Variants in FHIT observed in about 807,000 individuals in gnomAD.
FHIT encodes the protein fragile histidine triad diadenosine triphosphatase.
In FHIT, 19 loss-of-function variants were observed where a neutral mutation model predicts 17.9. The ratio of observed to expected loss-of-function variants is 1.06; its 90% CI spans 0.74 to 1.56. The LOEUF (loss-of-function observed/expected upper bound fraction) is 1.56. Among genes scored for constraint, FHIT ranks in the 40% most tolerant of loss-of-function variants. FHIT has a pLI of 0.00. For missense variants in FHIT, 248 were observed against 189.2 expected (o/e 1.31, Z -1.82); for synonymous variants, 81 against 69.7 (o/e 1.16, Z -0.81).
chr3:60,591,254 C>T (rs1221821075), intron 4 of FHIT, among the ~76,000 whole-genome samples: 2 of 151,918 alleles, frequency 1.3e-5, no homozygotes, highest in African/African-American at 4.8e-5. Context: ...ACTTTGCTCC[C>T]TAATTGCCTC....
At chr3:60,597,484 T>C (rs2038307029) in intron 4 of FHIT, among the ~76,000 whole-genome samples, 1 of 152,110 alleles carries the variant, frequency 6.6e-6, no homozygotes, top group Non-Finnish European at 1.5e-5. Flanking sequence ...TCTTACCCGC[T>C]GTCATTCATA....
chr3:60,336,096 A>T (rs527965032), intron 5 of FHIT, among the ~76,000 whole-genome samples: 1 of 152,202 alleles, frequency 6.6e-6, no homozygotes, highest in South Asian at 2.1e-4. Context: ...GCATTCAATC[A>T]TGAAAGAAAA....
At chr3:60,957,568 CT>C (rs1709233220) in intron 3 of FHIT, among the ~76,000 whole-genome samples, 1 of 152,214 alleles carries the variant, frequency 6.6e-6, no homozygotes, top group African/African-American at 2.4e-5. Context: ...CCAAAACATC[CT>C]GCCACAAAAG....
intron 5 of FHIT, among the ~76,000 whole-genome samples, chr3:60,052,717 G>A (rs781098423): frequency 2.3e-4 from 34 of 149,444 alleles, no homozygotes; most frequent in Non-Finnish European, 7.4e-5. Context: ...ATCCCATCTA[G>A]GATGGGATGG....
At chr3:60,343,061 TC>T (rs1710606228) in intron 5 of FHIT, among the ~76,000 whole-genome samples, 1 of 152,178 alleles carries the variant, frequency 6.6e-6, no homozygotes, top group Non-Finnish European at 1.5e-5. Context: ...ACCCCAGGGA[TC>T]TTCTTTTTGC....
chr3:60,492,504 T>C (rs1269696483), intron 5 of FHIT, among the ~76,000 whole-genome samples: 1 of 151,178 alleles, frequency 6.6e-6, no homozygotes, highest in Admixed American at 6.6e-5. Context: ...GAATGAAAGA[T>C]GGCATTTTTT....
intron 5 of FHIT, among the ~76,000 whole-genome samples, chr3:60,393,604 C>T (rs1266751230): frequency 2.0e-5 from 3 of 152,056 alleles, no homozygotes; most frequent in Non-Finnish European, 2.9e-5. Flanking sequence ...ATGTGGACAA[C>T]ACACTCCATA....
chr3:60,184,574 CTT>C (rs1407445970), intron 5 of FHIT, among the ~76,000 whole-genome samples: 2 of 152,260 alleles, frequency 1.3e-5, no homozygotes, highest in Admixed American at 1.3e-4. Context: ...ATCAACATGA[CTT>C]ATCACCGATG....
intron 4 of FHIT, among the ~76,000 whole-genome samples, chr3:60,692,422 C>T (rs1250348889): frequency 2.6e-5 from 4 of 152,122 alleles, no homozygotes; most frequent in African/African-American, 7.2e-5. Flanking sequence ...GGAGATTATC[C>T]TCCAGTACCA....
chr3:60,689,915 A>G (rs2040947053), intron 4 of FHIT, among the ~76,000 whole-genome samples: 1 of 152,196 alleles, frequency 6.6e-6, no homozygotes, highest in Non-Finnish European at 1.5e-5. Context: ...CAGTATTATA[A>G]TTAAAGTTAC....
At chr3:60,360,061 T>C (rs974060618) in intron 5 of FHIT, among the ~76,000 whole-genome samples, 5 of 151,018 alleles carry the variant, frequency 3.3e-5, no homozygotes, top group African/African-American at 1.2e-4. Flanking sequence ...AATACAAATG[T>C]GCAGGTTTGA....
At chr3:61,237,551 T>C (rs2040262889) in intron 1 of FHIT, among the ~76,000 whole-genome samples, 1 of 152,170 alleles carries the variant, frequency 6.6e-6, no homozygotes, top group South Asian at 2.1e-4. Flanking sequence ...CATAGTACTA[T>C]GGGAAAGGTT....
At chr3:60,449,549 T>G (rs1221265509) in intron 5 of FHIT, among the ~76,000 whole-genome samples, 1 of 151,936 alleles carries the variant, frequency 6.6e-6, no homozygotes, top group Non-Finnish European at 1.5e-5. Flanking sequence ...TACACAAACC[T>G]AGATGGTGCA....
chr3:60,211,781 C>T (rs1234383005), intron 5 of FHIT, among the ~76,000 whole-genome samples: 1 of 152,060 alleles, frequency 6.6e-6, no homozygotes, highest in African/African-American at 2.4e-5. Flanking sequence ...TGGGGTAAGG[C>T]ATTCTGACTG....
chr3:60,802,308 T>C (rs1011229724), intron 4 of FHIT, among the ~76,000 whole-genome samples: 1 of 152,128 alleles, frequency 6.6e-6, no homozygotes, highest in Non-Finnish European at 1.5e-5. Context: ...TCTCAGAACG[T>C]TTTCAGAACA....
At chr3:59,765,071 G>A (rs1048406965) in intron 8 of FHIT, among the ~76,000 whole-genome samples, 4 of 152,122 alleles carry the variant, frequency 2.6e-5, no homozygotes, top group Admixed American at 2.6e-4. Context: ...AAGATGTACT[G>A]GAGAAACAGC....
chr3:60,077,729 C>CACAT (rs1559611496), intron 5 of FHIT, among the ~76,000 whole-genome samples: 5 of 67,188 alleles, frequency 7.4e-5, no homozygotes, highest in East Asian at 2.9e-4. Flanking sequence ...CACACACACA[C>CACAT]ATATATAGAG....
chr3:60,132,477 T>C (rs1387873643), intron 5 of FHIT, among the ~76,000 whole-genome samples: 1 of 152,196 alleles, frequency 6.6e-6, no homozygotes, highest in Non-Finnish European at 1.5e-5. Flanking sequence ...CAAAAGTTAA[T>C]GGTATTGGCA....
At chr3:59,862,969 A>G (rs563188027) in intron 8 of FHIT, among the ~76,000 whole-genome samples, 3 of 152,316 alleles carry the variant, frequency 2.0e-5, no homozygotes, top group African/African-American at 7.2e-5. Context: ...TTTGCACTGC[A>G]CAAACACGAA....
Sources: allele counts gnomAD v4.1 joint callset (sites outside exome capture counted in the v4.1 genomes callset), GRCh38; gene constraint gnomAD v4.1.1; transcripts MANE v1.5; gene names NCBI Gene and HGNC (gene_info 2026-07-23, HGNC 2026-07-21).